RALGAPA2: variants seen among roughly 807,000 people sequenced by gnomAD.
The protein encoded by RALGAPA2 is ral GTPase-activating protein subunit alpha-2.
A neutral mutation model predicts 230.4 loss-of-function variants in RALGAPA2; 139 were observed. The ratio of observed to expected loss-of-function variants is 0.60; its 90% confidence interval spans 0.53 to 0.69. The LOEUF (loss-of-function observed/expected upper bound fraction) is 0.69, where lower values mean the gene tolerates loss of function less well. Among genes scored for constraint, RALGAPA2 ranks in the 30% least tolerant of loss-of-function variants. The pLI is 0.00. For synonymous variants in RALGAPA2, 847 were observed against 837.8 expected (o/e 1.01, Z -0.19); for missense variants, 2,163 against 2,276.0 (o/e 0.95, Z 1.01).
chr20:20,680,919 A>G, intron 1 of RALGAPA2, 118 bp from the exon 2 acceptor site: 1 of 1,435,576 alleles, frequency 7.0e-7, no homozygotes, highest in East Asian at 2.8e-5. Context: ...ATAAGACAAT[A>G]CAAAACAAAA....
chr20:20,579,921 T>C (rs1297729203), intron 20 of RALGAPA2, among the ~76,000 whole-genome samples: 2 of 152,224 alleles, frequency 1.3e-5, no homozygotes, highest in Non-Finnish European at 2.9e-5. Flanking sequence ...TCCATCCGTC[T>C]ATTTGTCTAT....
At chr20:20,682,259 A>G (rs926977038) in intron 1 of RALGAPA2, among the ~76,000 whole-genome samples, 5 of 152,226 alleles carry the variant, frequency 3.3e-5, no homozygotes, top group Non-Finnish European at 4.4e-5. Flanking sequence ...GAACAAATTT[A>G]CTGTGTGAAA....
intron 36 of RALGAPA2, among the ~76,000 whole-genome samples, chr20:20,491,494 T>C (rs1466455177): frequency 6.6e-6 from 1 of 152,144 alleles, no homozygotes; most frequent in South Asian, 2.1e-4. Context: ...CCTTCGCAAA[T>C]TTCTGAAGGC....
At chr20:20,400,434 G>A (rs1197256521) in intron 38 of RALGAPA2, among the ~76,000 whole-genome samples, 3 of 152,200 alleles carry the variant, frequency 2.0e-5, no homozygotes, top group African/African-American at 7.2e-5. Context: ...CTGCTCCCGT[G>A]CAGGGGCTAA....
At chr20:20,645,942 T>C (rs1400273092) in intron 4 of RALGAPA2, among the ~76,000 whole-genome samples, 1 of 150,888 alleles carries the variant, frequency 6.6e-6, no homozygotes, top group Non-Finnish European at 1.5e-5. Flanking sequence ...TCTAAGGAAC[T>C]CTTTTTTAAT....
intron 36 of RALGAPA2, among the ~76,000 whole-genome samples, chr20:20,477,884 G>A (rs1006608086): frequency 2.6e-5 from 4 of 152,046 alleles, no homozygotes; most frequent in Admixed American, 6.6e-5. Context: ...CACTGTGCCC[G>A]GCCCACTTAC....
chr20:20,452,363 T>C (rs962062529), intron 37 of RALGAPA2, among the ~76,000 whole-genome samples: 1 of 152,182 alleles, frequency 6.6e-6, no homozygotes, highest in Non-Finnish European at 1.5e-5. Flanking sequence ...GTTTGAAAAA[T>C]TAGCAATGCT....
intron 32 of RALGAPA2, among the ~76,000 whole-genome samples, chr20:20,512,242 C>CACACACACACACACACAT (rs1556256089): frequency 1.7e-5 from 2 of 116,466 alleles, no homozygotes; most frequent in African/African-American, 6.5e-5. Flanking sequence ...CACACACATA[C>CACACACACACACACACAT]ACACACACAC....
At chr20:20,686,390 AC>A (rs2068699572) in intron 1 of RALGAPA2, among the ~76,000 whole-genome samples, 1 of 152,188 alleles carries the variant, frequency 6.6e-6, no homozygotes, top group African/African-American at 2.4e-5. Context: ...TACTAAAAAT[AC>A]AAAAATTAGC....
intron 3 of RALGAPA2, among the ~76,000 whole-genome samples, chr20:20,662,015 T>C (rs1275849438): frequency 6.6e-6 from 1 of 152,122 alleles, no homozygotes; most frequent in South Asian, 2.1e-4. Flanking sequence ...ACTTTTTAAA[T>C]GGGGGATATT....
chr20:20,442,741 C>T (rs2060764883), intron 37 of RALGAPA2, among the ~76,000 whole-genome samples: 1 of 152,234 alleles, frequency 6.6e-6, no homozygotes. Context: ...GTGCTGATGA[C>T]AAGCAGACAC....
intron 39 of RALGAPA2, among the ~76,000 whole-genome samples, chr20:20,396,034 C>A (rs1461870382): frequency 1.3e-5 from 2 of 152,332 alleles, no homozygotes; most frequent in Admixed American, 6.5e-5. Flanking sequence ...GACAGCCTTG[C>A]CAAGGCGGCT....
intron 36 of RALGAPA2, among the ~76,000 whole-genome samples, chr20:20,485,072 T>A (rs1455239029): frequency 6.6e-6 from 1 of 152,136 alleles, no homozygotes; most frequent in Non-Finnish European, 1.5e-5. Flanking sequence ...CAATTTTTTT[T>A]AAGGTCATTA....
rs2059624978 is a variant in RALGAPA2, at chr20:20,392,739, CTAACA to C, written c.*545_*549del. ...GAAATTTTTGAGTAAACCATAAATC[CTAACA>C]TAAAAGGAACTAGCAAAATCAATGC... On this transcript the variant is annotated 3_prime_UTR_variant, in exon 40 of 40. Coordinates refer to ENST00000202677, the MANE Select transcript of RALGAPA2 (RefSeq NM_020343.4). The C allele has an allele frequency of 6.2e-6, 1 of 161,838 alleles. No individual in the cohort carries two copies. 10.0% of individuals were successfully genotyped at this position (161,838 alleles called of 1,614,324 possible).
rs1405505101 is a variant in RALGAPA2, at chr20:20,437,643, C to T, written c.5496-25495G>A. Among the ~76,000 whole-genome samples the T allele has an allele frequency of 2.0e-5, 3 of 152,192 alleles. No individual in the cohort carries two copies. The highest frequency in any genetic ancestry group is 1.3e-4 in the Admixed American group (2 of 15,288). The stretch of plus-strand genomic sequence containing the variant: ...CTGCCTGGGATGCTCTTCCAAGACC[C>T]CTGTCTGGCTGCCTCCCTCACCTCC... On this transcript the variant is annotated intron_variant, in intron 37 of 39. Coordinates refer to ENST00000202677, the MANE Select transcript of RALGAPA2 (RefSeq NM_020343.4). The surrounding 1 kb of genome is among the most constrained non-coding windows in gnomAD (Gnocchi z 4.1).
chr20:20,465,924 G>A (rs1386965116), intron 37 of RALGAPA2, among the ~76,000 whole-genome samples: 2 of 152,218 alleles, frequency 1.3e-5, no homozygotes, highest in African/African-American at 4.8e-5. Context: ...TTACAACAGA[G>A]GTTTGAAACT....
rs2062172826 is a variant in RALGAPA2 at position 20,495,266 on chromosome 20, A to T, written c.5218T>A (p.Leu1740Met). 1 of 1,522,862 alleles carries T rather than the reference A, an allele frequency of 6.6e-7. No homozygotes were observed. The highest frequency in any genetic ancestry group is 1.4e-5 in the African/African-American group (1 of 73,470). 94.3% of individuals were successfully genotyped at this position (1,522,862 alleles called of 1,614,324 possible). Residue 1740 changes from leucine (L) to methionine (M), a missense_variant, in exon 36 of 40, where the codon TTG becomes ATG. Transcript: ENST00000202677. ...ACGATATGGACCTCGTCATTCCCCA[A>T]GTGACGAAGCTGCAACAGCAAATTG... The part of the protein sequence containing the change: ...DDSLTKKLRH[L>M]GNDEVHIVWS...
intron 1 of RALGAPA2, among the ~76,000 whole-genome samples, chr20:20,692,966 G>A (rs1487854756): frequency 6.6e-6 from 1 of 152,202 alleles, no homozygotes; most frequent in African/African-American, 2.4e-5. Flanking sequence ...TAGGCAGACA[G>A]CTGAAATAAA....
At chr20:20,530,094 C>G (rs2063328306) in intron 27 of RALGAPA2, among the ~76,000 whole-genome samples, 1 of 152,138 alleles carries the variant, frequency 6.6e-6, no homozygotes, top group Non-Finnish European at 1.5e-5. Flanking sequence ...CTTTGGGAGT[C>G]AGGAGGTATC....
Sources: allele counts gnomAD v4.1 joint callset (sites outside exome capture counted in the v4.1 genomes callset), GRCh38; gene constraint gnomAD v4.1.1; non-coding constraint Gnocchi (gnomAD v3.1); transcripts MANE v1.5; gene names NCBI Gene and HGNC (gene_info 2026-07-23, HGNC 2026-07-21).